The following BRD10 variants were observed in gnomAD, a reference collection of about 807,000 sequenced individuals.
BRD10 encodes the protein bromodomain containing 10, also known as uncharacterized bromodomain-containing protein 10.
the BRD10 span, among the ~76,000 whole-genome samples, chr9:5,949,616 T>C: frequency 4.6e-5 from 7 of 152,144 alleles, no homozygotes; most frequent in Non-Finnish European, 7.4e-5. Context: ...ATCATGCATA[T>C]GAAATGGGAG....
chr9:6,001,181 T>A, the BRD10 span, among the ~76,000 whole-genome samples: 4 of 152,318 alleles, frequency 2.6e-5, no homozygotes, highest in African/African-American at 9.6e-5. Flanking sequence ...TGTATCCCCA[T>A]CCACCTTTCT....
chr9:6,007,606 T>C, the BRD10 span: 2 of 1,605,898 alleles, frequency 1.2e-6, no homozygotes, highest in Non-Finnish European at 1.7e-6. Context: ...CACCATCGCC[T>C]CCATCTCTTC....
chr9:5,889,899 A>C, the BRD10 span, among the ~76,000 whole-genome samples: 1 of 152,220 alleles, frequency 6.6e-6, no homozygotes, highest in Admixed American at 6.5e-5. Flanking sequence ...TTCTACCTGC[A>C]AAAAGAAAAT....
the BRD10 span, among the ~76,000 whole-genome samples, chr9:5,925,358 CAAAAA>C: frequency 1.7e-5 from 2 of 116,158 alleles, no homozygotes; most frequent in Non-Finnish European, 1.8e-5. Flanking sequence ...GACTCCATCT[CAAAAA>C]AAAAAAAAAA....
chr9:5,926,319 G>GT, the BRD10 span, among the ~76,000 whole-genome samples: 1 of 151,780 alleles, frequency 6.6e-6, no homozygotes, highest in African/African-American at 2.4e-5. Context: ...TTTTAACTTA[G>GT]TTTTTTGAGA....
At chr9:5,884,728 C>T in the BRD10 span, among the ~76,000 whole-genome samples, 1 of 152,146 alleles carries the variant, frequency 6.6e-6, no homozygotes, top group African/African-American at 2.4e-5. Context: ...CTGGTGTTGA[C>T]TCTTCAATAT....
chr9:5,923,084 A>G, the BRD10 span: 4 of 1,613,984 alleles, frequency 2.5e-6, no homozygotes, highest in Middle Eastern at 3.3e-4. Context: ...GAAACAGTCA[A>G]TCTGCACATC....
At chr9:5,920,496 C>T in the BRD10 span, 1 of 1,613,942 alleles carries the variant, frequency 6.2e-7, no homozygotes, top group Non-Finnish European at 8.5e-7. Flanking sequence ...TTTACTAAAG[C>T]TTGCTGATTT....
At chr9:5,984,520 A>G in the BRD10 span, among the ~76,000 whole-genome samples, 1 of 152,202 alleles carries the variant, frequency 6.6e-6, no homozygotes, top group Non-Finnish European at 1.5e-5. Context: ...CAATATTACC[A>G]GGGATAAAAA....
chr9:5,924,825 T>C, the BRD10 span: 4 of 1,512,786 alleles, frequency 2.6e-6, no homozygotes, highest in South Asian at 1.4e-5. Flanking sequence ...GAAATCATCA[T>C]AGTCTTTCTT....
chr9:5,998,189 T>G, the BRD10 span, among the ~76,000 whole-genome samples: 1 of 152,210 alleles, frequency 6.6e-6, no homozygotes, highest in South Asian at 2.1e-4. Flanking sequence ...AAAGAAACTA[T>G]TAACAGTAGG....
the BRD10 span, among the ~76,000 whole-genome samples, chr9:5,997,283 G>C: frequency 6.6e-6 from 1 of 152,152 alleles, no homozygotes; most frequent in Non-Finnish European, 1.5e-5. Context: ...TGAATGAGAA[G>C]AATACCACTC....
chr9:5,906,049 C>T, the BRD10 span, among the ~76,000 whole-genome samples: 1 of 151,774 alleles, frequency 6.6e-6, no homozygotes, highest in Non-Finnish European at 1.5e-5. Flanking sequence ...TCTGTTAAAT[C>T]AACTAAGAAT....
At chr9:5,923,035 T>A in the BRD10 span, 7 of 1,613,982 alleles carry the variant, frequency 4.3e-6, no homozygotes, top group Non-Finnish European at 5.9e-6. Flanking sequence ...ATGAGGCAAA[T>A]GACTCTGGAA....
the BRD10 span, among the ~76,000 whole-genome samples, chr9:5,904,694 G>A: frequency 6.6e-6 from 1 of 151,706 alleles, no homozygotes; most frequent in African/African-American, 2.4e-5. Context: ...GCTGGAACTC[G>A]ACCTCAAGTG....
chr9:5,889,187 T>C, the BRD10 span, among the ~76,000 whole-genome samples: 6 of 152,178 alleles, frequency 3.9e-5, no homozygotes, highest in African/African-American at 1.4e-4. Flanking sequence ...AAAAGCCCAA[T>C]TGTCCATGAC....
the BRD10 span, chr9:5,922,765 A>C: frequency 6.2e-7 from 1 of 1,613,934 alleles, no homozygotes; most frequent in Non-Finnish European, 8.5e-7. Flanking sequence ...TATTTTGAAG[A>C]TCTATTGGCA....
At chr9:5,928,726 G>A in the BRD10 span, among the ~76,000 whole-genome samples, 1 of 152,090 alleles carries the variant, frequency 6.6e-6, no homozygotes, top group South Asian at 2.1e-4. Flanking sequence ...CCTGATCAAA[G>A]AGTAACCTTC....
chr9:5,903,264 G>T, the BRD10 span, among the ~76,000 whole-genome samples: 1 of 152,140 alleles, frequency 6.6e-6, no homozygotes. Flanking sequence ...CCTGGTTAAT[G>T]TTCTGAGCTT....
Sources: allele counts gnomAD v4.1 joint callset (sites outside exome capture counted in the v4.1 genomes callset), GRCh38; gene constraint gnomAD v4.1.1; transcripts MANE v1.5; gene names NCBI Gene and HGNC (gene_info 2026-07-23, HGNC 2026-07-21).